The following DNAH12 variants were observed in gnomAD, a reference collection of about 807,000 sequenced individuals.
The protein encoded by DNAH12 is axonemal beta dynein heavy chain 12.
A neutral mutation model predicts 371.5 loss-of-function variants in DNAH12; 285 were observed. The observed-to-expected ratio is 0.77, with a 90% CI of 0.70 to 0.85. DNAH12 has a LOEUF of 0.85. Among genes scored for constraint, DNAH12 ranks in the 40% least tolerant of loss-of-function variants. The probability of loss-of-function intolerance (pLI) is 0.00; values close to 1 mark genes in which losing one functional copy is unlikely to be tolerated. For missense variants in DNAH12, 3,611 were observed against 3,689.4 expected (o/e 0.98, Z 0.55); for synonymous variants, 1,200 against 1,213.0 (o/e 0.99, Z 0.22).
chr3:57,425,181 T>C (rs568238067), intron 34 of DNAH12, 40 bp from the exon 35 acceptor site: 1 of 678,914 alleles, frequency 1.5e-6, no homozygotes, highest in South Asian at 1.6e-5. Context: ...AATTTTCATC[T>C]TATTTAGAAA....
intron 21 of DNAH12, 35 bp from the exon 22 acceptor site, chr3:57,458,038 T>TATA: frequency 6.5e-7 from 1 of 1,540,698 alleles, no homozygotes; most frequent in East Asian, 2.4e-5. Context: ...AAGTTTTAGT[T>TATA]ATAATTCATC....
chr3:57,301,199 G>A, intron 70 of DNAH12, among the ~76,000 whole-genome samples: 1 of 131,286 alleles, frequency 7.6e-6, no homozygotes, highest in East Asian at 2.5e-4. Flanking sequence ...CCAGGATTTT[G>A]AGATTACAGT....
intron 30 of DNAH12, 46 bp downstream of exon 30, chr3:57,436,905 G>GTTAATTAAGAAGTTATTT: frequency 8.0e-7 from 1 of 1,244,734 alleles, no homozygotes; most frequent in Non-Finnish European, 1.1e-6. Context: ...TGTTTTACCA[G>GTTAATTAAGAAGTTATTT]CTTAATTAAG....
At chr3:57,451,639 A>G (rs908724844) in intron 25 of DNAH12, among the ~76,000 whole-genome samples, 2 of 152,216 alleles carry the variant, frequency 1.3e-5, no homozygotes, top group Non-Finnish European at 2.9e-5. Context: ...ATTCTGTCTC[A>G]GAACAAAACA....
At chr3:57,413,504 G>A (rs1032531182) in intron 39 of DNAH12, among the ~76,000 whole-genome samples, 4 of 152,124 alleles carry the variant, frequency 2.6e-5, no homozygotes, top group Non-Finnish European at 5.9e-5. Context: ...ATTTGGTGGG[G>A]ATGTTGAGAT....
chr3:57,402,537 C>T, intron 43 of DNAH12: 2 of 824,034 alleles, frequency 2.4e-6, no homozygotes. Flanking sequence ...TGAAATAAGT[C>T]CTCTCTGAAC....
chr3:57,448,644 T>G (rs987975488), intron 25 of DNAH12, among the ~76,000 whole-genome samples: 3 of 152,236 alleles, frequency 2.0e-5, no homozygotes, highest in African/African-American at 7.2e-5. Flanking sequence ...GGCAGCCTGC[T>G]TTTATTCTCT....
In DNAH12 at chr3:57,453,015, C is replaced by A. The variant is rs2065800158; in HGVS notation, c.3614G>T (p.Gly1205Val). The A allele has an allele frequency of 1.3e-6, 2 of 1,533,226 alleles. No individual in the cohort carries two copies. Among genetic ancestry groups the A allele is most frequent in the Non-Finnish European group, 1.7e-6 (2 of 1,143,020 alleles). The allele number at this position is 1,533,226 out of a possible 1,614,324, so 95.0% of individuals were successfully genotyped here. Residue 1205 changes from glycine to valine, a missense_variant and splice_region_variant, in exon 25 of 74, where the codon GGT becomes GTT. Transcript: ENST00000495027. ...CAGGAAATCTGTATCATGTGAGACA[C>A]CTAGAAAAAATAAAGTAAAATAAGA... ...RDVVMDMIKM[G>V]VSHDTDFLWL...
At chr3:57,413,662 T>C in intron 39 of DNAH12, 84 bp downstream of exon 39, 1 of 1,389,672 alleles carries the variant, frequency 7.2e-7, no homozygotes. Context: ...CTAAATATCT[T>C]GAAAAATGTA....
At chr3:57,486,226 C>T (rs909086805) in intron 12 of DNAH12, among the ~76,000 whole-genome samples, 3 of 150,634 alleles carry the variant, frequency 2.0e-5, no homozygotes, top group Non-Finnish European at 4.4e-5. Context: ...ACCACTTATA[C>T]CCCCCAAAAC....
At chr3:57,507,491 A>G in intron 8 of DNAH12, 152 bp downstream of exon 8, 1 of 618,666 alleles carries the variant, frequency 1.6e-6, no homozygotes, top group South Asian at 3.5e-5. Context: ...CAGAAACACA[A>G]TATTTTTCTG....
chr3:57,321,389 C>T (rs1020807110), intron 65 of DNAH12, among the ~76,000 whole-genome samples: 4 of 152,128 alleles, frequency 2.6e-5, no homozygotes, highest in Non-Finnish European at 4.4e-5. Context: ...CTAGCTCAAA[C>T]ATGAAAATAT....
intron 62 of DNAH12, among the ~76,000 whole-genome samples, chr3:57,329,909 A>G (rs1206448383): frequency 2.0e-5 from 3 of 152,222 alleles, no homozygotes; most frequent in Non-Finnish European, 4.4e-5. Context: ...AAAGGACATG[A>G]ACAGACACTT....
upstream of DNAH12, among the ~76,000 whole-genome samples, chr3:57,548,299 C>T (rs922753423): frequency 6.6e-6 from 1 of 152,066 alleles, no homozygotes; most frequent in Non-Finnish European, 1.5e-5. Context: ...CTTAGGCTTC[C>T]AGGGGCCATT....
Position 57,309,672 on chromosome 3 carries a change from G to C in DNAH12, c.11079C>G (p.Leu3693=), listed in dbSNP as rs1042363639. 1 of 1,512,030 alleles carries C rather than the reference G, an allele frequency of 6.6e-7. No individual in the cohort carries two copies. 93.7% of individuals were successfully genotyped at this position (1,512,030 alleles called of 1,614,324 possible). The change falls in exon 68 of 74, where the codon CTC becomes CTG. Residue 3693 remains leucine (L), a synonymous_variant. Transcript: ENST00000495027. Reference sequence around the variant, plus strand: ...ATTTTAAGCTGAACATTACCTTGTTGAGGATATCTTTGGTAATTTCTAACA... The same window carrying C: ...ATTTTAAGCTGAACATTACCTTGTTCAGGATATCTTTGGTAATTTCTAACA... ...QILLEITKDI[L]NKLPSDFDIE... is the part of the protein sequence containing the mutation.
chr3:57,382,430 C>T (rs1648504074), intron 49 of DNAH12, 37 bp from the exon 50 acceptor site: 1 of 151,216 alleles, frequency 6.6e-6, no homozygotes, highest in Non-Finnish European at 1.5e-5. Context: ...AGGACATATT[C>T]AGAATAGTTT....
chr3:57,452,894 G>C lies in DNAH12; in HGVS notation c.3735C>G (p.Asn1245Lys). 6 of 1,551,116 alleles carry C rather than the reference G, an allele frequency of 3.9e-6. No homozygotes were observed. Among genetic ancestry groups the C allele is most frequent in the Non-Finnish European group, 3.5e-6 (4 of 1,146,874 alleles). ...GAGGCGTAATGACAAGTCGAGGTGA[G>C]TTACCAAGATATTCATAAGCATATT... ...NVKYAYEYLG[N>K]SPRLVITPLT... Residue 1245 changes from asparagine (N) to lysine (K), a missense_variant, in exon 25 of 74, where the codon AAC becomes AAG. Around this residue, in one of 3 missense-constraint regions of DNAH12, gnomAD observed 2,266 missense variants for 2,236.9 expected, o/e 1.01. Coordinates refer to ENST00000495027, the MANE Select transcript of DNAH12 (RefSeq NM_001366028.2).
Position 57,405,013 on chromosome 3 carries a change from C to T in DNAH12, c.6711G>A (p.Glu2237=). Residue 2237 remains glutamate (E), a synonymous_variant, in exon 42 of 74, where the codon GAG becomes GAA. Transcript: ENST00000495027. ...TTCTTGTTTTGTGTGTTTGATTATA[C>T]TCATCTAAGCACTGGTCCACAACAT... is the stretch of plus-strand genomic sequence containing the variant. ...FSDVVDQCLD[E]YNQTHKTRMN... 6.5e-7 allele frequency: 1 copy of T among 1,534,692 alleles called. No homozygotes were observed. The highest frequency in any genetic ancestry group is 8.8e-7 in the Non-Finnish European group (1 of 1,142,032).
At chr3:57,392,114 C>G (rs1016380953) in intron 44 of DNAH12, 48 bp from the exon 45 acceptor site, 7 of 152,064 alleles carry the variant, frequency 4.6e-5, no homozygotes, top group Non-Finnish European at 8.8e-5. Flanking sequence ...AATAGATGAG[C>G]TGGTAATGAG....
Sources: allele counts gnomAD v4.1 joint callset (sites outside exome capture counted in the v4.1 genomes callset), GRCh38; gene constraint gnomAD v4.1.1; regional missense constraint gnomAD v4.1.1; transcripts MANE v1.5; gene names NCBI Gene and HGNC (gene_info 2026-07-23, HGNC 2026-07-21).